Variants in CWF19L2 observed in about 807,000 individuals in gnomAD.
CWF19L2 encodes CWF19 like cell cycle control factor 2.
In CWF19L2, 98 loss-of-function variants were observed where a neutral mutation model predicts 111.7. The observed-to-expected ratio is 0.88, with a 90% CI of 0.75 to 1.04. The LOEUF (loss-of-function observed/expected upper bound fraction) is 1.04, where lower values mean the gene tolerates loss of function less well. Among genes scored for constraint, CWF19L2 ranks in the 50% least tolerant of loss-of-function variants. The pLI is 0.00. For missense variants in CWF19L2, 1,101 were observed against 1,051.4 expected, an observed-to-expected ratio of 1.05 and a Z score of -0.65; for synonymous variants, 351 against 342.9, an observed-to-expected ratio of 1.02 and a Z score of -0.26.
Position 107,363,114 on chromosome 11 carries a change from G to C in CWF19L2, c.1873-9378C>G, listed in dbSNP as rs926855513. Among the ~76,000 whole-genome samples the C allele has an allele frequency of 3.9e-5, 6 of 152,186 alleles. No individual in the cohort carries two copies. In the East Asian group the frequency reaches 1.2e-3, roughly 29 times the overall value. ...TGAATGAAATGAAGCGAGAAGGGAAGTTTAGAGAAAAAAGAATAAAAAGAA... is the reference window on the plus strand; with the variant it reads ...TGAATGAAATGAAGCGAGAAGGGAACTTTAGAGAAAAAAGAATAAAAAGAA... On this transcript the variant is annotated intron_variant, in intron 12 of 17. Coordinates refer to ENST00000282251, the MANE Select transcript of CWF19L2 (RefSeq NM_152434.3).
intron 14 of CWF19L2, among the ~76,000 whole-genome samples, chr11:107,341,965 G>A (rs1565244540): frequency 6.6e-6 from 1 of 151,268 alleles, no homozygotes; most frequent in Non-Finnish European, 1.5e-5. Flanking sequence ...TTCCTTTGTT[G>A]GTCTTGCTGG....
intron 13 of CWF19L2, among the ~76,000 whole-genome samples, chr11:107,352,004 A>G (rs971319925): frequency 6.6e-6 from 1 of 152,188 alleles, no homozygotes; most frequent in African/African-American, 2.4e-5. Context: ...AAAGGTATAA[A>G]TGGAAGACTA....
intron 17 of CWF19L2, among the ~76,000 whole-genome samples, chr11:107,329,367 T>C (rs772044742): frequency 1.3e-5 from 2 of 152,130 alleles, no homozygotes; most frequent in African/African-American, 2.4e-5. Context: ...AAATGAGTCA[T>C]GTGTTCTTCT....
chr11:107,406,370 T>C (rs1212053101), intron 10 of CWF19L2, among the ~76,000 whole-genome samples: 1 of 152,240 alleles, frequency 6.6e-6, no homozygotes, highest in African/African-American at 2.4e-5. Flanking sequence ...CTTAGTATTT[T>C]CATGGCTTTT....
intron 8 of CWF19L2, among the ~76,000 whole-genome samples, chr11:107,423,744 G>A (rs1861334786): frequency 1.3e-5 from 2 of 151,770 alleles, no homozygotes; most frequent in Non-Finnish European, 2.9e-5. Flanking sequence ...CTCCTATTGA[G>A]CTCCATATCC....
intron 17 of CWF19L2, 30 bp from the exon 18 acceptor site, chr11:107,327,083 A>T: frequency 6.5e-7 from 1 of 1,540,390 alleles, no homozygotes; most frequent in Non-Finnish European, 8.7e-7. Flanking sequence ...GCACAAACAC[A>T]AGCATGTATA....
intron 10 of CWF19L2, among the ~76,000 whole-genome samples, chr11:107,397,203 A>C (rs1361979152): frequency 2.6e-5 from 4 of 152,128 alleles, no homozygotes; most frequent in Non-Finnish European, 4.4e-5. Flanking sequence ...CTGCGTACAG[A>C]CTTCACAGGC....
chr11:107,353,816 A>G, intron 12 of CWF19L2, 80 bp from the exon 13 acceptor site: 3 of 1,000,886 alleles, frequency 3.0e-6, no homozygotes, highest in African/African-American at 1.6e-5. Flanking sequence ...CTAAATCTGT[A>G]TCTGTAAGTT....
chr11:107,436,152 G>A (rs557087583), intron 6 of CWF19L2, among the ~76,000 whole-genome samples: 4 of 134,568 alleles, frequency 3.0e-5, no homozygotes, highest in South Asian at 2.3e-4. Flanking sequence ...GACTCCACAC[G>A]CCCCCCGACC....
chr11:107,360,453 G>C (rs896566379), intron 12 of CWF19L2, among the ~76,000 whole-genome samples: 3 of 152,104 alleles, frequency 2.0e-5, no homozygotes, highest in African/African-American at 7.2e-5. Context: ...CATACAAGTG[G>C]GGGTATTTTT....
intron 10 of CWF19L2, among the ~76,000 whole-genome samples, chr11:107,394,842 T>G (rs1860899170): frequency 6.6e-6 from 1 of 152,090 alleles, no homozygotes; most frequent in African/African-American, 2.4e-5. Context: ...GCAAAAAAAA[T>G]TCACCGTGTT....
In CWF19L2 at chr11:107,443,055, A is replaced by T; in HGVS notation, c.340-6T>A. ...ACCCACTCATCTTCAGAGCTCTAAG[A>T]ACATTTAGCATATAAGTGAAATTGT... On this transcript the variant is annotated splice_region_variant and splice_polypyrimidine_tract_variant and intron_variant, in intron 3 of 17. Coordinates refer to ENST00000282251, the MANE Select transcript of CWF19L2 (RefSeq NM_152434.3). 6.6e-7 allele frequency: 1 copy of T among 1,511,620 alleles called. No homozygotes were observed. The highest frequency in any genetic ancestry group is 1.4e-5 in the African/African-American group (1 of 72,392). 93.6% of individuals were successfully genotyped at this position (1,511,620 alleles called of 1,614,324 possible). A position where few individuals can be genotyped will look rare whatever the true frequency, so the allele number is the denominator to read the frequency against.
chr11:107,328,148 A>G (rs1308137553), intron 17 of CWF19L2, among the ~76,000 whole-genome samples: 1 of 152,032 alleles, frequency 6.6e-6, no homozygotes, highest in Non-Finnish European at 1.5e-5. Context: ...CAAAAAAAAA[A>G]AAAAAAAAAC....
chr11:107,456,163 G>T (rs1307037105), intron 1 of CWF19L2, among the ~76,000 whole-genome samples: 1 of 152,118 alleles, frequency 6.6e-6, no homozygotes, highest in East Asian at 1.9e-4. Flanking sequence ...CCTTCAATAT[G>T]CAATGCCTGT....
At chr11:107,442,787 GA>G (rs1861642401) in intron 4 of CWF19L2, among the ~76,000 whole-genome samples, 151 bp downstream of exon 4, 1 of 47,176 alleles carries the variant, frequency 2.1e-5, no homozygotes, top group Admixed American at 2.0e-4. Context: ...AGGAAGGAAG[GA>G]AGGAAGGGAG....
At chr11:107,340,268 T>C (rs1859987261) in intron 14 of CWF19L2, among the ~76,000 whole-genome samples, 1 of 152,184 alleles carries the variant, frequency 6.6e-6, no homozygotes, top group Non-Finnish European at 1.5e-5. Context: ...TTTTATAGTT[T>C]TGTACCTTAC....
intron 14 of CWF19L2, among the ~76,000 whole-genome samples, chr11:107,337,638 A>G (rs1859947606): frequency 6.6e-6 from 1 of 152,048 alleles, no homozygotes; most frequent in Non-Finnish European, 1.5e-5. Context: ...ATTCTGGATG[A>G]GCGCGGTGGC....
chr11:107,383,159 T>C (rs1860716710), intron 12 of CWF19L2, among the ~76,000 whole-genome samples: 4 of 152,188 alleles, frequency 2.6e-5, no homozygotes, highest in African/African-American at 9.6e-5. Flanking sequence ...AAATTAATCG[T>C]ACCCGAAGTG....
At chr11:107,337,523 G>C (rs942028730) in intron 14 of CWF19L2, among the ~76,000 whole-genome samples, 2 of 152,104 alleles carry the variant, frequency 1.3e-5, no homozygotes, top group African/African-American at 4.8e-5. Context: ...GTACAGGATG[G>C]AGCTAGGGAT....
Sources: allele counts gnomAD v4.1 joint callset (sites outside exome capture counted in the v4.1 genomes callset), GRCh38; gene constraint gnomAD v4.1.1; transcripts MANE v1.5; gene names NCBI Gene and HGNC (gene_info 2026-07-23, HGNC 2026-07-21).